Variants in HIVEP3 observed in about 807,000 individuals in gnomAD.
HIVEP3 encodes HIVEP zinc finger 3.
In HIVEP3, 49 loss-of-function variants were observed where a neutral mutation model predicts 152.8. That is an observed-to-expected ratio of 0.32 (90% CI 0.26 to 0.41). HIVEP3 has a LOEUF of 0.41. Ranked by LOEUF, HIVEP3 falls within the 10% of genes least tolerant of loss-of-function variation. The pLI is 1.00. For missense variants in HIVEP3, 2,790 were observed against 3,103.3 expected (o/e 0.90, Z 2.40); for synonymous variants, 1,269 against 1,289.0 (o/e 0.98, Z 0.33).
chr1:41,534,554 CTG>C (rs1255532706), intron 5 of HIVEP3, among the ~76,000 whole-genome samples: 2 of 152,220 alleles, frequency 1.3e-5, no homozygotes, highest in South Asian at 4.1e-4. Context: ...ACTTGTCAGA[CTG>C]TGTGTACTGC....
At chr1:41,725,733 A>G (rs1646742769) in intron 1 of HIVEP3, among the ~76,000 whole-genome samples, 1 of 152,216 alleles carries the variant, frequency 6.6e-6, no homozygotes, top group African/African-American at 2.4e-5. Context: ...GGATAGGCTC[A>G]ACAATACTGG....
rs1167712883 is a variant in HIVEP3, at chr1:41,640,656, G to A, written c.-720-11709C>T. On this transcript the variant is annotated intron_variant, in intron 2 of 8. Transcript: ENST00000372583. ...AGCCCAAAACCTGAGCTGCTTCCCC[G>A]CAAGAAGGCTTCTAAATCTCCCCGG... 5.9e-5 allele frequency among the ~76,000 whole-genome samples: 9 copies of A among 152,194 alleles called. 1 individual carries two copies. The highest frequency in any genetic ancestry group is 5.2e-4 in the Admixed American group (8 of 15,290).
At chr1:41,750,022 C>A (rs1647134682) in intron 1 of HIVEP3, among the ~76,000 whole-genome samples, 1 of 152,210 alleles carries the variant, frequency 6.6e-6, no homozygotes, top group Non-Finnish European at 1.5e-5. Flanking sequence ...TGAGCAGCAC[C>A]AAGCTGCTCT....
intron 1 of HIVEP3, among the ~76,000 whole-genome samples, chr1:41,886,511 A>G (rs1337777434): frequency 1.3e-5 from 2 of 152,030 alleles, no homozygotes; most frequent in African/African-American, 4.8e-5. Context: ...TCGGGAGTTC[A>G]AGACCAGCCT....
intron 2 of HIVEP3, among the ~76,000 whole-genome samples, chr1:41,680,278 G>A (rs1646019042): frequency 6.6e-6 from 1 of 152,196 alleles, no homozygotes; most frequent in Non-Finnish European, 1.5e-5. Context: ...CATGTCCAAG[G>A]TATCTAAGAG....
chr1:41,725,861 A>G (rs1646744644), intron 1 of HIVEP3, among the ~76,000 whole-genome samples: 1 of 152,212 alleles, frequency 6.6e-6, no homozygotes, highest in Admixed American at 6.5e-5. Flanking sequence ...AGCCTCCCCG[A>G]CATTCTATAA....
chr1:41,690,094 G>T (rs1057120021), intron 2 of HIVEP3, among the ~76,000 whole-genome samples: 3 of 152,236 alleles, frequency 2.0e-5, no homozygotes, highest in Admixed American at 6.5e-5. Context: ...TGGATAACAT[G>T]TGTGAGGATT....
At chr1:41,834,000 G>A (rs1643044873) in intron 1 of HIVEP3, among the ~76,000 whole-genome samples, 1 of 152,090 alleles carries the variant, frequency 6.6e-6, no homozygotes, top group Admixed American at 6.5e-5. Flanking sequence ...GCTCCCTGAG[G>A]GCTGCTTTCC....
intron 1 of HIVEP3, among the ~76,000 whole-genome samples, chr1:41,870,432 T>C (rs1644058394): frequency 6.6e-6 from 1 of 152,176 alleles, no homozygotes; most frequent in African/African-American, 2.4e-5. Flanking sequence ...AAACTGTCAG[T>C]TCCAAAAGGA....
intron 2 of HIVEP3, among the ~76,000 whole-genome samples, chr1:41,689,861 A>G (rs1646169202): frequency 6.6e-6 from 1 of 152,224 alleles, no homozygotes; most frequent in African/African-American, 2.4e-5. Context: ...CCACAGAAAC[A>G]ACACCCTGGC....
chr1:41,735,735 T>A (rs1276529955), intron 1 of HIVEP3, among the ~76,000 whole-genome samples: 1 of 152,088 alleles, frequency 6.6e-6, no homozygotes, highest in East Asian at 1.9e-4. Context: ...GACAGGCGGA[T>A]GGAGGATGTC....
At chr1:41,723,268 G>A (rs1395823875) in intron 1 of HIVEP3, among the ~76,000 whole-genome samples, 3 of 152,064 alleles carry the variant, frequency 2.0e-5, no homozygotes, top group Admixed American at 1.3e-4. Context: ...TTGGGGGTTG[G>A]GGGATCAGGA....
At chr1:41,579,078 T>C (rs941278674) in intron 4 of HIVEP3, among the ~76,000 whole-genome samples, 5 of 152,214 alleles carry the variant, frequency 3.3e-5, no homozygotes, top group African/African-American at 4.8e-5. Context: ...TCAAAGGCAA[T>C]GAAAGCGTAA....
chr1:41,705,670 C>T (rs781510200), intron 1 of HIVEP3, among the ~76,000 whole-genome samples: 5 of 152,180 alleles, frequency 3.3e-5, no homozygotes, highest in South Asian at 2.1e-4. Flanking sequence ...GCTCTCACAT[C>T]GCTGCTGGTA....
chr1:41,857,991 C>CTCTCTCTCTCTCTT (rs1643816487), intron 1 of HIVEP3, among the ~76,000 whole-genome samples: 1 of 152,004 alleles, frequency 6.6e-6, no homozygotes, highest in African/African-American at 2.4e-5. Flanking sequence ...CAATCTCTCT[C>CTCTCTCTCTCTCTT]TCTCTCTCTC....
At chr1:41,735,547 A>G (rs1213877167) in intron 1 of HIVEP3, among the ~76,000 whole-genome samples, 1 of 152,160 alleles carries the variant, frequency 6.6e-6, no homozygotes, top group Non-Finnish European at 1.5e-5. Context: ...GCTCTAAAAT[A>G]GAACCATCCA....
At chr1:41,549,100 AC>A (rs1315725583) in intron 5 of HIVEP3, among the ~76,000 whole-genome samples, 1 of 140,334 alleles carries the variant, frequency 7.1e-6, no homozygotes, top group African/African-American at 2.7e-5. Flanking sequence ...TTCAATTCCC[AC>A]CTATGAGTGA....
At chr1:42,000,996 ATGAAGC>A (rs1645424144) in intron 1 of HIVEP3, among the ~76,000 whole-genome samples, 1 of 152,208 alleles carries the variant, frequency 6.6e-6, no homozygotes, top group African/African-American at 2.4e-5. Flanking sequence ...CAACAACCCC[ATGAAGC>A]ATGACCTACT....
Position 41,881,045 on chromosome 1 carries a change from T to G in HIVEP3, c.-801+37368A>C, listed in dbSNP as rs149133117. Among the ~76,000 whole-genome samples, 526 of 152,316 alleles carry G rather than the reference T, an allele frequency of 3.5e-3. 1 individual carries two copies. The highest frequency in any genetic ancestry group is 5.0e-3 in the Admixed American group (76 of 15,298). ...GAATCGCAATATTCCACAATGCAAG[T>G]TCCTCCCACTAAAGGCCTCTTTGGA... On this transcript the variant is annotated intron_variant, in intron 1 of 8. Coordinates refer to ENST00000372583, the MANE Select transcript of HIVEP3 (RefSeq NM_024503.5).
Sources: gnomAD v4.1 joint callset for allele counts (sites outside exome capture counted in the v4.1 genomes callset) on GRCh38, gnomAD v4.1.1 for gene constraint, MANE v1.5 for transcripts, NCBI Gene and HGNC (gene_info 2026-07-23, HGNC 2026-07-21) for gene names.